TMF1: variants seen among roughly 807,000 people sequenced by gnomAD.
The protein encoded by TMF1 is TATA element modulatory factor 1.
TMF1 carries 71 observed loss-of-function variants against 126.5 expected under a neutral mutation model. The observed-to-expected ratio is 0.56, with a 90% CI of 0.46 to 0.68. The LOEUF (loss-of-function observed/expected upper bound fraction) is 0.68, where lower values mean the gene tolerates loss of function less well. Ranked by LOEUF, TMF1 falls within the 30% of genes least tolerant of loss-of-function variation. TMF1 has a pLI of 0.00. For missense variants in TMF1, 1,259 were observed against 1,253.2 expected (o/e 1.00, Z -0.07); for synonymous variants, 461 against 430.5 (o/e 1.07, Z -0.88).
intron 8 of TMF1, among the ~76,000 whole-genome samples, chr3:69,036,331 T>C (rs1053573304): frequency 6.6e-6 from 1 of 152,250 alleles, no homozygotes; most frequent in African/African-American, 2.4e-5. Context: ...TAATGAAGTA[T>C]TATAAAACTG....
At chr3:69,050,394 C>T (rs752554571) in intron 1 of TMF1, among the ~76,000 whole-genome samples, 2 of 152,012 alleles carry the variant, frequency 1.3e-5, no homozygotes, top group Non-Finnish European at 2.9e-5. Flanking sequence ...GCACAATATC[C>T]AAACCAGAGA....
intron 11 of TMF1, among the ~76,000 whole-genome samples, chr3:69,029,042 AT>A (rs202102186): frequency 1.3e-3 from 187 of 146,144 alleles, no homozygotes; most frequent in Middle Eastern, 3.6e-3. Flanking sequence ...TACTTTATTT[AT>A]TTTTTTTTTT....
rs760624159 is a variant in TMF1, at chr3:69,048,317, T to C, written c.388A>G (p.Lys130Glu). 4 of 1,614,220 alleles carry C rather than the reference T, an allele frequency of 2.5e-6. No homozygotes were observed. Residue 130 changes from lysine (K) to glutamate (E), a missense_variant, in exon 2 of 17, where the codon AAA becomes GAA. Physicochemically the swap from Lys to Glu is moderately conservative, Grantham distance 56 (BLOSUM62 1). Coordinates refer to ENST00000398559, the MANE Select transcript of TMF1 (RefSeq NM_007114.3). ...TGCAAGGATTCATGTAAGCTGCTTT[T>C]CACTTCTTCTTCTGGTCGTTGTGAT... The part of the protein sequence containing the change: ...AKSQRPEEEV[K>E]SSLHESLHIG...
At chr3:69,027,869 A>C in intron 13 of TMF1, 31 bp downstream of exon 13, 132 of 1,203,138 alleles carry the variant, frequency 1.1e-4, no homozygotes, top group Non-Finnish European at 1.5e-4. Context: ...AAATGGTTAC[A>C]CCACAAACAA....
rs1018500824 is a variant in TMF1 at position 69,043,625 on chromosome 3, T to C, written c.1578+125A>G. On this transcript the variant is annotated intron_variant, in intron 4 of 16. Transcript: ENST00000398559. ...CGTGGCCAAAAATCTACAATTTAAA[T>C]GTTAATAGATGATATCCTTTTCACC... The C allele has an allele frequency of 1.2e-5, 11 of 944,832 alleles. No homozygotes were observed. The East Asian group carries it at 2.5e-4, about 22-fold the overall frequency. The allele number at this position is 944,832 out of a possible 1,614,324, so 58.5% of individuals were successfully genotyped here. A position where few individuals can be genotyped will look rare whatever the true frequency, so the allele number is the denominator to read the frequency against.
rs185037466 is a variant in TMF1 at position 69,036,468 on chromosome 3, G to A, written c.2152-1353C>T. Among the ~76,000 whole-genome samples, 434 of 152,312 alleles carry A rather than the reference G, an allele frequency of 2.8e-3. 2 individuals carry two copies. Among genetic ancestry groups the A allele is most frequent in the South Asian group, 0.013 (63 of 4,832 alleles). On this transcript the variant is annotated intron_variant, in intron 8 of 16. Coordinates refer to ENST00000398559, the MANE Select transcript of TMF1 (RefSeq NM_007114.3). ...CTGTCATTTATGTAAAAAGGATGTA[G>A]GAGACAGAAATAGGTGTATAAGCGA...
chr3:69,044,226 C>T (rs3817105), intron 3 of TMF1, among the ~76,000 whole-genome samples: 43,090 of 151,782 alleles, frequency 0.28, 6,349 homozygotes, highest in East Asian at 0.52. Flanking sequence ...CAGTTTTCTT[C>T]AAATACGTTT....
chr3:69,045,327 AG>A (rs1245118204), intron 2 of TMF1, among the ~76,000 whole-genome samples: 1 of 151,860 alleles, frequency 6.6e-6, no homozygotes, highest in Non-Finnish European at 1.5e-5. Flanking sequence ...GCATGGTGGC[AG>A]GCACCTGTAA....
chr3:69,023,960 AT>A, intron 16 of TMF1, 94 bp downstream of exon 16: 1 of 1,209,466 alleles, frequency 8.3e-7, no homozygotes, highest in Non-Finnish European at 1.1e-6. Flanking sequence ...TAATTTTCAA[AT>A]AAATCACTAA....
At chr3:69,031,552 G>C (rs1472385062) in intron 10 of TMF1, among the ~76,000 whole-genome samples, 1 of 152,058 alleles carries the variant, frequency 6.6e-6, no homozygotes, top group East Asian at 1.9e-4. Context: ...TTAATACTTG[G>C]AGATATTAGG....
chr3:69,039,680 T>C lies in TMF1; in HGVS notation c.1698A>G (p.Ser566=). The C allele has an allele frequency of 6.2e-7, 1 of 1,610,818 alleles. No individual in the cohort carries two copies. The highest frequency in any genetic ancestry group is 1.1e-5 in the South Asian group (1 of 89,954). The change falls in exon 6 of 17, where the codon TCA becomes TCG. Residue 566 remains serine, a synonymous_variant. Transcript: ENST00000398559. ...TGTTAGAATTGTGCAGCTGCTGTTT[T>C]GAAAGTTTTTCTCCTGGTGATGGTA... The part of the protein sequence containing the change: ...RGLMEEGEKL[S]KQQLHNSNII...
At chr3:69,046,289 T>C (rs575692547) in intron 2 of TMF1, among the ~76,000 whole-genome samples, 1 of 68,772 alleles carries the variant, frequency 1.5e-5, no homozygotes, top group Admixed American at 1.9e-4. Flanking sequence ...GGTTCCTTTT[T>C]GGACTCAAAA....
chr3:69,021,580 A>C lies in TMF1; in HGVS notation c.*1597T>G, dbSNP rs1357978737. On this transcript the variant is annotated 3_prime_UTR_variant, in exon 17 of 17. Coordinates refer to ENST00000398559, the MANE Select transcript of TMF1 (RefSeq NM_007114.3). ...TACAAAAAGAACAAAAAATGAGGTC[A>C]TTTGAATTGCCCTGAAAAACTCCAA... 1 of 152,278 alleles carries C rather than the reference A, an allele frequency of 6.6e-6. No homozygotes were observed. Among genetic ancestry groups the C allele is most frequent in the Non-Finnish European group, 1.5e-5 (1 of 68,020 alleles). The allele number at this position is 152,278 out of a possible 1,614,324, so 9.4% of individuals were successfully genotyped here.
At chr3:69,033,917 A>G in intron 9 of TMF1, 1 of 393,662 alleles carries the variant, frequency 2.5e-6, no homozygotes, top group Non-Finnish European at 4.5e-6. Flanking sequence ...TGTAGCCTCA[A>G]CCTCCTAGGC....
chr3:69,032,738 T>C (rs539856126), intron 10 of TMF1, among the ~76,000 whole-genome samples: 2 of 151,230 alleles, frequency 1.3e-5, no homozygotes, highest in African/African-American at 4.8e-5. Context: ...GCCTCCCAAA[T>C]AGCTGGGATT....
At position 69,052,207 on chromosome 3, in the gene TMF1, G is replaced by T; in HGVS notation, c.-121C>A. On this transcript the variant is annotated 5_prime_UTR_variant, in exon 1 of 17. Transcript: ENST00000398559. The stretch of plus-strand genomic sequence containing the variant: ...CACTCGGCTGGTTCTGTCAGCGTGT[G>T]GCCATTACCCCGACAGCCTCCCGCG... 8.5e-7 allele frequency: 1 copy of T among 1,177,750 alleles called. No individual in the cohort carries two copies. 73.0% of individuals were successfully genotyped at this position (1,177,750 alleles called of 1,614,324 possible). A position where few individuals can be genotyped will look rare whatever the true frequency, so the allele number is the denominator to read the frequency against.
At chr3:69,031,095 T>C (rs914302273) in intron 10 of TMF1, among the ~76,000 whole-genome samples, 1 of 152,162 alleles carries the variant, frequency 6.6e-6, no homozygotes, top group Non-Finnish European at 1.5e-5. Context: ...AAAACAACTG[T>C]GTGAACCTCT....
Position 69,023,033 on chromosome 3 carries a change from G to A in TMF1, c.*144C>T. 1.6e-6 allele frequency: 1 copy of A among 617,632 alleles called. No homozygotes were observed. The highest frequency in any genetic ancestry group is 3.0e-5 in the East Asian group (1 of 33,724). The allele number at this position is 617,632 out of a possible 1,614,324, so 38.3% of individuals were successfully genotyped here. A position where few individuals can be genotyped will look rare whatever the true frequency, so the allele number is the denominator to read the frequency against. ...ATTTAACTGTAAATATTACTACATA[G>A]TGTAAAACAATTTTAAAAAAATTTT... On this transcript the variant is annotated 3_prime_UTR_variant, in exon 17 of 17. Coordinates refer to ENST00000398559, the MANE Select transcript of TMF1 (RefSeq NM_007114.3).
rs1450947691 is a variant in TMF1 at position 69,039,702 on chromosome 3, G to A, written c.1685-9C>T. On this transcript the variant is annotated splice_polypyrimidine_tract_variant and intron_variant, in intron 5 of 16. Transcript: ENST00000398559. ...TTTTGAAAGTTTTTCTCCTGGTGAT[G>A]GTAAAGAAGTATAAACTCAAATGAT... 1.9e-6 allele frequency: 3 copies of A among 1,604,982 alleles called. No individual in the cohort carries two copies. Among genetic ancestry groups the A allele is most frequent in the Non-Finnish European group, 2.5e-6 (3 of 1,177,322 alleles).
Sources: gnomAD v4.1 joint callset for allele counts (sites outside exome capture counted in the v4.1 genomes callset) on GRCh38, gnomAD v4.1.1 for gene constraint, MANE v1.5 for transcripts, NCBI Gene and HGNC (gene_info 2026-07-23, HGNC 2026-07-21) for gene names.